The following XKR4 variants were observed in gnomAD, a reference collection of about 807,000 sequenced individuals.
The protein encoded by XKR4 is XK-related protein 4.
In XKR4, 12 loss-of-function variants were observed where a neutral mutation model predicts 53.9. That is an observed-to-expected ratio of 0.22 (90% confidence interval 0.14 to 0.36). The LOEUF (loss-of-function observed/expected upper bound fraction) is 0.36. Ranked by LOEUF, XKR4 falls within the 10% of genes least tolerant of loss-of-function variation. The pLI is 1.00. For missense variants in XKR4, 799 were observed against 859.5 expected (o/e 0.93, Z 0.88); for synonymous variants, 354 against 362.4 (o/e 0.98, Z 0.26).
At chr8:55,210,234 G>T (rs189095703) in intron 1 of XKR4, among the ~76,000 whole-genome samples, 2 of 151,790 alleles carry the variant, frequency 1.3e-5, no homozygotes, top group African/African-American at 4.8e-5. Flanking sequence ...ACAGGTGCTC[G>T]CCACCACGCC....
At chr8:55,452,315 C>T (rs770055140) in intron 2 of XKR4, 3 of 640,088 alleles carry the variant, frequency 4.7e-6, no homozygotes, top group African/African-American at 1.8e-5. Flanking sequence ...GCGCGGCCAC[C>T]GGGAAGGAGC....
chr8:55,531,806 G>A lies in XKR4; in HGVS notation c.*7579G>A, dbSNP rs564210486. 6.6e-6 allele frequency: 1 copy of A among 152,194 alleles called. No homozygotes were observed. The highest frequency in any genetic ancestry group is 6.5e-5 in the Admixed American group (1 of 15,280). 9.4% of individuals were successfully genotyped at this position (152,194 alleles called of 1,614,324 possible). A position where few individuals can be genotyped will look rare whatever the true frequency, so the allele number is the denominator to read the frequency against. On this transcript the variant is annotated 3_prime_UTR_variant, in exon 3 of 3. Transcript: ENST00000327381. The stretch of plus-strand genomic sequence containing the variant: ...ATTCTTCACTAACTGTATTTCTCCA[G>A]CATACTGGTTATTTAGGAATAACAA...
At chr8:55,484,736 G>A (rs1806167547) in intron 2 of XKR4, among the ~76,000 whole-genome samples, 1 of 152,108 alleles carries the variant, frequency 6.6e-6, no homozygotes, top group Non-Finnish European at 1.5e-5. Flanking sequence ...AGTGTGGGTG[G>A]GCCTCCTTCA....
At chr8:55,441,746 C>G (rs1684305519) in intron 2 of XKR4, among the ~76,000 whole-genome samples, 1 of 152,026 alleles carries the variant, frequency 6.6e-6, no homozygotes, top group Non-Finnish European at 1.5e-5. Flanking sequence ...ATTCTCAACA[C>G]AAACAGAAAT....
chr8:55,138,853 C>T (rs1816664488), intron 1 of XKR4, among the ~76,000 whole-genome samples: 2 of 151,876 alleles, frequency 1.3e-5, no homozygotes, highest in African/African-American at 2.4e-5. Flanking sequence ...TATGAAGGAC[C>T]CCATGTAAAA....
chr8:55,516,599 T>G (rs1416616315), intron 2 of XKR4, among the ~76,000 whole-genome samples: 2 of 152,144 alleles, frequency 1.3e-5, no homozygotes, highest in Non-Finnish European at 2.9e-5. Flanking sequence ...AATGTACTCA[T>G]TCATTAAAAA....
At chr8:55,153,109 T>C (rs1269760844) in intron 1 of XKR4, among the ~76,000 whole-genome samples, 1 of 152,160 alleles carries the variant, frequency 6.6e-6, no homozygotes, top group African/African-American at 2.4e-5. Flanking sequence ...GCTTCCTTGT[T>C]TGGGAATGAT....
At position 55,475,387 on chromosome 8, in the gene XKR4, TG is replaced by T. The variant is rs1225605013; in HGVS notation, c.1007-47893del. Among the ~76,000 whole-genome samples the T allele has an allele frequency of 8.9e-3, 90 of 10,148 alleles. 2 individuals carry two copies. Among genetic ancestry groups the T allele is most frequent in the East Asian group, 0.077 (70 of 904 alleles). 6.7% of individuals were successfully genotyped at this position (10,148 alleles called of 152,430 possible). A position where few individuals can be genotyped will look rare whatever the true frequency, so the allele number is the denominator to read the frequency against. On this transcript the variant is annotated intron_variant, in intron 2 of 2. Transcript: ENST00000327381. ...ATTCATAAATGTTTTTTGCTTATTT[TG>T]TTGTTGTTGTTGTTGTTGTTGTTGT...
intron 1 of XKR4, among the ~76,000 whole-genome samples, chr8:55,187,972 T>C (rs531109568): frequency 3.1e-4 from 47 of 152,364 alleles, no homozygotes; most frequent in African/African-American, 1.0e-3. Flanking sequence ...GAAATTTAAG[T>C]GCTTTTTTTC....
At chr8:55,288,041 G>A (rs975260424) in intron 1 of XKR4, among the ~76,000 whole-genome samples, 4 of 152,078 alleles carry the variant, frequency 2.6e-5, no homozygotes, top group Non-Finnish European at 4.4e-5. Flanking sequence ...TTTTTTGTGT[G>A]ATTTTTTTGT....
At chr8:55,479,040 C>A (rs897960019) in intron 2 of XKR4, among the ~76,000 whole-genome samples, 2 of 152,066 alleles carry the variant, frequency 1.3e-5, no homozygotes, top group Admixed American at 6.6e-5. Flanking sequence ...CAGCTCTGCA[C>A]CACGCGGACC....
chr8:55,494,735 T>C (rs1348892222), intron 2 of XKR4, among the ~76,000 whole-genome samples: 1 of 152,160 alleles, frequency 6.6e-6, no homozygotes, highest in South Asian at 2.1e-4. Context: ...TTCTCCATCC[T>C]CTCTTTGAGT....
At chr8:55,181,060 T>A (rs1317209935) in intron 1 of XKR4, among the ~76,000 whole-genome samples, 2 of 152,178 alleles carry the variant, frequency 1.3e-5, no homozygotes, top group East Asian at 3.8e-4. Flanking sequence ...TATTGGCAGA[T>A]CTTCTATGAA....
intron 1 of XKR4, among the ~76,000 whole-genome samples, chr8:55,208,166 G>C (rs1422742151): frequency 1.3e-5 from 2 of 152,142 alleles, no homozygotes; most frequent in African/African-American, 2.4e-5. Context: ...TTACCTTTTT[G>C]TATGTGGTCA....
chr8:55,156,205 A>G (rs1156263719), intron 1 of XKR4, among the ~76,000 whole-genome samples: 2 of 151,578 alleles, frequency 1.3e-5, no homozygotes, highest in African/African-American at 4.9e-5. Flanking sequence ...GTTTCTGTGT[A>G]TTTGGTGGGG....
chr8:55,433,862 C>T (rs925933093), intron 2 of XKR4, among the ~76,000 whole-genome samples: 5 of 151,992 alleles, frequency 3.3e-5, no homozygotes, highest in African/African-American at 1.2e-4. Flanking sequence ...CCCATCTCTA[C>T]AAAAAATTAA....
intron 1 of XKR4, among the ~76,000 whole-genome samples, chr8:55,219,440 G>T (rs970632438): frequency 1.3e-5 from 2 of 152,112 alleles, no homozygotes; most frequent in East Asian, 3.9e-4. Flanking sequence ...GGGGTGGGGC[G>T]GGGGAAGTGA....
At chr8:55,262,134 A>T (rs183700546) in intron 1 of XKR4, among the ~76,000 whole-genome samples, 1 of 152,330 alleles carries the variant, frequency 6.6e-6, no homozygotes, top group African/African-American at 2.4e-5. Context: ...TAAATATTTT[A>T]TGGACATTAA....
chr8:55,383,441 G>A (rs1387380892), intron 2 of XKR4, among the ~76,000 whole-genome samples: 2 of 152,142 alleles, frequency 1.3e-5, no homozygotes, highest in African/African-American at 4.8e-5. Context: ...GAGAAGGAGA[G>A]GAAATCACTC....
Sources: allele counts gnomAD v4.1 joint callset (sites outside exome capture counted in the v4.1 genomes callset), GRCh38; gene constraint gnomAD v4.1.1; transcripts MANE v1.5; gene names NCBI Gene and HGNC (gene_info 2026-07-23, HGNC 2026-07-21).